The following DENND4A variants were observed in gnomAD, a reference collection of about 807,000 sequenced individuals.
The protein encoded by DENND4A is C-myc promoter-binding protein.
DENND4A carries 70 observed loss-of-function variants against 199.3 expected under a neutral mutation model. That is an observed-to-expected ratio of 0.35 (90% CI 0.29 to 0.43). The LOEUF (loss-of-function observed/expected upper bound fraction) is 0.43, where lower values mean the gene tolerates loss of function less well. Among genes scored for constraint, DENND4A ranks in the 20% least tolerant of loss-of-function variants. The pLI is 1.00. For missense variants in DENND4A, 1,723 were observed against 2,255.8 expected, an observed-to-expected ratio of 0.76 and a Z score of 4.78; for synonymous variants, 686 against 766.9, an observed-to-expected ratio of 0.89 and a Z score of 1.74.
intron 1 of DENND4A, among the ~76,000 whole-genome samples, chr15:65,782,737 C>G (rs1381153878): frequency 6.6e-6 from 1 of 152,088 alleles, no homozygotes; most frequent in East Asian, 1.9e-4. Flanking sequence ...CTAAAACATA[C>G]AAAGTTACCA....
chr15:65,700,686 C>T lies in DENND4A; in HGVS notation c.2702-11G>A. 6.6e-7 allele frequency: 1 copy of T among 1,522,858 alleles called. No homozygotes were observed. The highest frequency in any genetic ancestry group is 1.4e-5 in the African/African-American group (1 of 71,392). The allele number at this position is 1,522,858 out of a possible 1,614,324, so 94.3% of individuals were successfully genotyped here. A position where few individuals can be genotyped will look rare whatever the true frequency, so the allele number is the denominator to read the frequency against. ...GGTCACTGCCATCTGCTTAAGAACA[C>T]AATTTGACAGCATTTTACTACTCGA... On this transcript the variant is annotated splice_polypyrimidine_tract_variant and intron_variant, in intron 19 of 32. Transcript: ENST00000443035.
At chr15:65,705,105 A>G (rs959089078) in intron 15 of DENND4A, among the ~76,000 whole-genome samples, 3 of 152,224 alleles carry the variant, frequency 2.0e-5, no homozygotes, top group Non-Finnish European at 4.4e-5. Context: ...TTGACAGAAG[A>G]CATTTAAAAA....
chr15:65,663,275 T>A (rs1379669058), intron 32 of DENND4A, among the ~76,000 whole-genome samples: 1 of 149,140 alleles, frequency 6.7e-6, no homozygotes, highest in Non-Finnish European at 1.5e-5. Context: ...AGTGGCACAA[T>A]CTCGGCTCAC....
chr15:65,774,136 A>G (rs2077214567), intron 1 of DENND4A, among the ~76,000 whole-genome samples: 1 of 151,964 alleles, frequency 6.6e-6, no homozygotes, highest in Non-Finnish European at 1.5e-5. Flanking sequence ...TTGGTGGATC[A>G]CTTGAGGTCA....
chr15:65,711,580 T>C (rs1018309140), intron 14 of DENND4A, among the ~76,000 whole-genome samples: 1 of 152,182 alleles, frequency 6.6e-6, no homozygotes, highest in Non-Finnish European at 1.5e-5. Flanking sequence ...GTTCCACAAG[T>C]CTGTTTGTAA....
At chr15:65,668,209 T>C in intron 27 of DENND4A, 86 bp from the exon 28 acceptor site, 2 of 767,286 alleles carry the variant, frequency 2.6e-6, no homozygotes, top group Non-Finnish European at 3.9e-6. Flanking sequence ...TCTCTCTCTC[T>C]CTTTTTTTTT....
chr15:65,705,704 T>C (rs1368853195), intron 15 of DENND4A, among the ~76,000 whole-genome samples: 2 of 152,144 alleles, frequency 1.3e-5, no homozygotes, highest in African/African-American at 4.8e-5. Context: ...AATCTTTTTG[T>C]AAACCAAGGC....
At chr15:65,740,440 T>A (rs1297130789) in intron 5 of DENND4A, among the ~76,000 whole-genome samples, 1 of 137,794 alleles carries the variant, frequency 7.3e-6, no homozygotes, top group Non-Finnish European at 1.5e-5. Context: ...CAAGACTCCA[T>A]CTCTACTAAA....
intron 30 of DENND4A, 109 bp downstream of exon 30, chr15:65,665,236 A>G: frequency 1.3e-6 from 1 of 798,390 alleles, no homozygotes; most frequent in Middle Eastern, 2.4e-4. Flanking sequence ...CTGTAAGACA[A>G]AAAGTAGTAC....
intron 1 of DENND4A, among the ~76,000 whole-genome samples, chr15:65,775,882 A>G (rs2077272224): frequency 6.6e-6 from 1 of 152,156 alleles, no homozygotes. Flanking sequence ...CTTCAGTCAT[A>G]CTGAACCATT....
chr15:65,702,230 C>T (rs1418787425), intron 17 of DENND4A, 75 bp downstream of exon 17: 1 of 1,223,262 alleles, frequency 8.2e-7, no homozygotes. Context: ...GACTGCATCA[C>T]TGCACTCCAG....
chr15:65,784,343 C>G (rs1343695372), intron 1 of DENND4A, among the ~76,000 whole-genome samples: 1 of 152,012 alleles, frequency 6.6e-6, no homozygotes, highest in Non-Finnish European at 1.5e-5. Flanking sequence ...CTAACAAAAT[C>G]CAAATAAATG....
chr15:65,748,286 C>T (rs914243374), intron 4 of DENND4A, among the ~76,000 whole-genome samples: 6 of 150,812 alleles, frequency 4.0e-5, no homozygotes, highest in African/African-American at 1.5e-4. Flanking sequence ...AAAATCCACG[C>T]AAGATAGGGT....
intron 22 of DENND4A, among the ~76,000 whole-genome samples, chr15:65,694,476 T>G (rs560945024): frequency 9.7e-4 from 145 of 150,138 alleles, no homozygotes; most frequent in Non-Finnish European, 1.8e-3. Context: ...CAAGATAGGG[T>G]GATGATTTTA....
chr15:65,750,005 T>C (rs1435092984), intron 4 of DENND4A, among the ~76,000 whole-genome samples: 2 of 152,214 alleles, frequency 1.3e-5, no homozygotes, highest in Non-Finnish European at 2.9e-5. Context: ...AAATAACTTG[T>C]ATTCATCATT....
chr15:65,729,300 AT>A (rs894541021), intron 10 of DENND4A, 53 bp from the exon 11 acceptor site: 1 of 1,524,390 alleles, frequency 6.6e-7, no homozygotes, highest in African/African-American at 1.4e-5. Context: ...CTGAAGCATA[AT>A]TTATCAGCAC....
chr15:65,751,393 T>C (rs1477396308), intron 4 of DENND4A, among the ~76,000 whole-genome samples: 3 of 152,208 alleles, frequency 2.0e-5, no homozygotes, highest in African/African-American at 7.2e-5. Flanking sequence ...GAGTTCAGTT[T>C]TGGACATATT....
chr15:65,720,947 T>TTATATATATATATATATACA (rs2075607678), intron 12 of DENND4A, among the ~76,000 whole-genome samples: 3 of 76,234 alleles, frequency 3.9e-5, no homozygotes, highest in Non-Finnish European at 8.2e-5. Context: ...GTTTCATTGA[T>TTATATATATATATATATACA]TATATATATA....
chr15:65,772,288 G>T (rs960270898), intron 1 of DENND4A: 9 of 524,636 alleles, frequency 1.7e-5, no homozygotes, highest in African/African-American at 1.2e-4. Flanking sequence ...ATACTGAAAT[G>T]GACATGTATC....
Sources: allele counts gnomAD v4.1 joint callset (sites outside exome capture counted in the v4.1 genomes callset), GRCh38; gene constraint gnomAD v4.1.1; transcripts MANE v1.5; gene names NCBI Gene and HGNC (gene_info 2026-07-23, HGNC 2026-07-21).